Variants in CACNB2 observed in about 807,000 individuals in gnomAD.
CACNB2 encodes voltage-dependent L-type calcium channel subunit beta-2.
Under a neutral mutation model 73.3 loss-of-function variants are expected in CACNB2, and 42 were observed. That is an observed-to-expected ratio of 0.57 (90% confidence interval 0.45 to 0.74). CACNB2 has a LOEUF of 0.74. Among genes scored for constraint, CACNB2 ranks in the 30% least tolerant of loss-of-function variants. CACNB2 has a pLI of 0.00. For missense variants in CACNB2, 940 were observed against 853.0 expected (o/e 1.10, Z -1.27); for synonymous variants, 348 against 310.3 (o/e 1.12, Z -1.28).
chr10:18,256,448 A>G (rs1036740409), intron 2 of CACNB2: 1 of 152,192 alleles, frequency 6.6e-6, no homozygotes, highest in African/African-American at 2.4e-5. Context: ...GTAATTCTGC[A>G]TGTACTGCCA....
chr10:18,298,523 C>A (rs932328662), intron 2 of CACNB2, among the ~76,000 whole-genome samples: 3 of 152,194 alleles, frequency 2.0e-5, no homozygotes, highest in African/African-American at 7.2e-5. Flanking sequence ...AATGGGAGAA[C>A]CAGTTGTGAA....
At chr10:18,516,813 TG>T (rs945654148) in intron 7 of CACNB2, among the ~76,000 whole-genome samples, 12 of 151,982 alleles carry the variant, frequency 7.9e-5, no homozygotes, top group Non-Finnish European at 1.3e-4. Flanking sequence ...ATGTTTGTCT[TG>T]TTTTTTTTTT....
At chr10:18,328,485 A>T (rs1460088259) in intron 2 of CACNB2, among the ~76,000 whole-genome samples, 2 of 152,208 alleles carry the variant, frequency 1.3e-5, no homozygotes, top group African/African-American at 4.8e-5. Flanking sequence ...AGTTAGAATA[A>T]TTCACTGTTC....
chr10:18,339,835 A>G (rs1239490548), intron 2 of CACNB2, among the ~76,000 whole-genome samples: 1 of 152,182 alleles, frequency 6.6e-6, no homozygotes, highest in Non-Finnish European at 1.5e-5. Flanking sequence ...AAAATGTAAA[A>G]CACATTCTTA....
intron 2 of CACNB2, among the ~76,000 whole-genome samples, chr10:18,326,783 G>GT (rs1205303481): frequency 1.3e-5 from 2 of 152,198 alleles, no homozygotes; most frequent in African/African-American, 4.8e-5. Context: ...TTGGAGTACA[G>GT]TGGTGTGATC....
intron 2 of CACNB2, among the ~76,000 whole-genome samples, chr10:18,286,717 G>A (rs955322292): frequency 1.3e-5 from 2 of 152,088 alleles, no homozygotes; most frequent in Non-Finnish European, 2.9e-5. Context: ...GATTGTGATT[G>A]TGATATATGT....
chr10:18,456,624 TG>T (rs1448973802), intron 3 of CACNB2, among the ~76,000 whole-genome samples: 1 of 152,106 alleles, frequency 6.6e-6, no homozygotes, highest in Non-Finnish European at 1.5e-5. Context: ...GAGATTTGGG[TG>T]GGGTCACAGA....
chr10:18,141,215 C>G (rs2030355938), intron 1 of CACNB2: 2 of 485,366 alleles, frequency 4.1e-6, no homozygotes, highest in South Asian at 1.6e-5. Context: ...TGCTGAAGAT[C>G]GTGAGTCCGG....
intron 3 of CACNB2, among the ~76,000 whole-genome samples, chr10:18,419,191 C>T (rs1002317309): frequency 1.3e-5 from 2 of 152,168 alleles, no homozygotes; most frequent in African/African-American, 4.8e-5. Context: ...CTCCTCTGAG[C>T]GTACTGTGAC....
At chr10:18,265,008 C>G (rs1257378524) in intron 2 of CACNB2, among the ~76,000 whole-genome samples, 2 of 152,142 alleles carry the variant, frequency 1.3e-5, no homozygotes, top group African/African-American at 4.8e-5. Context: ...TGCCTCCCCC[C>G]TACACCTAGT....
intron 2 of CACNB2, among the ~76,000 whole-genome samples, chr10:18,339,318 C>A (rs1015722118): frequency 6.6e-6 from 1 of 151,960 alleles, no homozygotes; most frequent in Non-Finnish European, 1.5e-5. Context: ...GTCAGGAGTT[C>A]GAGACTAGCC....
chr10:18,375,544 C>T (rs956866911), intron 2 of CACNB2, among the ~76,000 whole-genome samples: 23 of 152,076 alleles, frequency 1.5e-4, no homozygotes, highest in African/African-American at 4.1e-4. Flanking sequence ...GCCTCTTGTT[C>T]CTTAAAACCG....
At chr10:18,380,279 G>A (rs1435235705) in intron 2 of CACNB2, among the ~76,000 whole-genome samples, 2 of 150,958 alleles carry the variant, frequency 1.3e-5, no homozygotes, top group African/African-American at 4.9e-5. Context: ...TTTTTTCTTA[G>A]CAAAAAAATA....
intron 2 of CACNB2, among the ~76,000 whole-genome samples, chr10:18,176,939 A>G (rs2033625871): frequency 6.6e-6 from 1 of 152,024 alleles, no homozygotes; most frequent in Non-Finnish European, 1.5e-5. Flanking sequence ...GGGGTACAGA[A>G]TTCCAGAACT....
chr10:18,325,577 CT>C (rs2131980794), intron 2 of CACNB2, among the ~76,000 whole-genome samples: 1 of 151,396 alleles, frequency 6.6e-6, no homozygotes, highest in South Asian at 2.1e-4. Context: ...TCCTTTCCTT[CT>C]TTTTCTTTCT....
chr10:18,311,085 T>C (rs2039947015), intron 2 of CACNB2, among the ~76,000 whole-genome samples: 1 of 152,170 alleles, frequency 6.6e-6, no homozygotes, highest in Non-Finnish European at 1.5e-5. Context: ...TGACTCTCTC[T>C]GAAGATACCA....
At position 18,496,390 on chromosome 10, in the gene CACNB2, A is replaced by G. The variant is rs1389687267; in HGVS notation, c.334-1965A>G. Among the ~76,000 whole-genome samples, 3 of 152,144 alleles carry G rather than the reference A, an allele frequency of 2.0e-5. No homozygotes were observed. The East Asian group carries it at 5.8e-4, about 29-fold the overall frequency. Reference sequence around the variant, plus strand: ...CAGGTAGAACAAATTAACTTCGGAAAATTTGGAAATGAAAATGGGTTCTCT... The same window carrying G: ...CAGGTAGAACAAATTAACTTCGGAAGATTTGGAAATGAAAATGGGTTCTCT... On this transcript the variant is annotated intron_variant, in intron 3 of 13. Coordinates refer to ENST00000324631, the MANE Select transcript of CACNB2 (RefSeq NM_201596.3).
At chr10:18,242,110 CAT>C (rs1491514867) in intron 2 of CACNB2, among the ~76,000 whole-genome samples, 40 of 150,794 alleles carry the variant, frequency 2.7e-4, no homozygotes, top group East Asian at 2.0e-3. Context: ...TATATGTATA[CAT>C]GTGTGTGTGT....
At chr10:18,397,093 G>T (rs77636580) in intron 2 of CACNB2, among the ~76,000 whole-genome samples, 1 of 152,186 alleles carries the variant, frequency 6.6e-6, no homozygotes, top group Admixed American at 6.5e-5. Flanking sequence ...CCAAAATACT[G>T]ATGCTGAAAA....
Sources: gnomAD v4.1 joint callset for allele counts (sites outside exome capture counted in the v4.1 genomes callset) on GRCh38, gnomAD v4.1.1 for gene constraint, MANE v1.5 for transcripts, NCBI Gene and HGNC (gene_info 2026-07-23, HGNC 2026-07-21) for gene names.